RANBP2: variants seen among roughly 807,000 people sequenced by gnomAD.
RANBP2 encodes the protein RAN binding protein 2.
RANBP2 carries 57 observed loss-of-function variants against 303.6 expected under a neutral mutation model. That is an observed-to-expected ratio of 0.19 (90% confidence interval 0.15 to 0.23). The LOEUF is 0.23. Among genes scored for constraint, RANBP2 ranks in the 10% least tolerant of loss-of-function variants. RANBP2 has a pLI of 1.00. For missense variants in RANBP2, 3,138 were observed against 3,780.8 expected, an observed-to-expected ratio of 0.83 and a Z score of 4.46; for synonymous variants, 1,167 against 1,301.5, an observed-to-expected ratio of 0.90 and a Z score of 2.23.
chr2:109,247,965 C>T, the RANBP2 span, among the ~76,000 whole-genome samples: 1 of 152,144 alleles, frequency 6.6e-6, no homozygotes, highest in Admixed American at 6.5e-5. Flanking sequence ...TTTAAACCTC[C>T]ATCTGCATCA....
At chr2:108,880,246 C>T in the RANBP2 span, among the ~76,000 whole-genome samples, 2,714 of 149,060 alleles carry the variant, frequency 0.018, 72 homozygotes, top group African/African-American at 0.065. Flanking sequence ...CGAGAGAAGG[C>T]ACAGATTGCT....
intron 7 of RANBP2, among the ~76,000 whole-genome samples, chr2:108,745,709 G>A (rs1436518775): frequency 6.6e-6 from 1 of 151,100 alleles, no homozygotes; most frequent in Non-Finnish European, 1.5e-5. Flanking sequence ...TATCTACAAT[G>A]TGGCATTTCC....
At chr2:108,973,464 CTGCTTTCCAG>C in the RANBP2 span, among the ~76,000 whole-genome samples, 2 of 152,116 alleles carry the variant, frequency 1.3e-5, no homozygotes, top group African/African-American at 2.4e-5. Flanking sequence ...TTCATTTCTC[CTGCTTTCCAG>C]TGCTTTCCAG....
the RANBP2 span, among the ~76,000 whole-genome samples, chr2:108,793,869 TGG>T: frequency 6.6e-6 from 1 of 152,016 alleles, no homozygotes; most frequent in African/African-American, 2.4e-5. Flanking sequence ...CCCAAAGTGC[TGG>T]GATTATAGGC....
the RANBP2 span, among the ~76,000 whole-genome samples, chr2:109,223,401 C>G: frequency 9.2e-5 from 14 of 152,276 alleles, no homozygotes; most frequent in Admixed American, 7.8e-4. Context: ...GCCGTGTGCT[C>G]GCTGTGATGG....
the RANBP2 span, among the ~76,000 whole-genome samples, chr2:109,101,817 G>T: frequency 3.9e-5 from 6 of 152,174 alleles, no homozygotes; most frequent in East Asian, 3.9e-4. Flanking sequence ...CTCAAATTCA[G>T]GGAAACACTT....
the RANBP2 span, among the ~76,000 whole-genome samples, chr2:109,381,582 C>T: frequency 6.6e-6 from 1 of 152,024 alleles, no homozygotes; most frequent in Non-Finnish European, 1.5e-5. Context: ...TTCTTGTCTT[C>T]CCTTTCACTT....
chr2:109,465,742 A>G, the RANBP2 span, among the ~76,000 whole-genome samples: 2 of 152,182 alleles, frequency 1.3e-5, no homozygotes, highest in African/African-American at 4.8e-5. Flanking sequence ...GCGGAAGACA[A>G]AGAGGGAACA....
At chr2:109,122,304 G>A in the RANBP2 span, among the ~76,000 whole-genome samples, 1 of 152,212 alleles carries the variant, frequency 6.6e-6, no homozygotes, top group Non-Finnish European at 1.5e-5. Flanking sequence ...GGATTGGAAA[G>A]GGACTTAGAA....
the RANBP2 span, among the ~76,000 whole-genome samples, chr2:109,499,047 C>T: frequency 6.6e-6 from 1 of 152,140 alleles, no homozygotes; most frequent in Non-Finnish European, 1.5e-5. Context: ...ACTGCTGGAG[C>T]CCTCTGAGCC....
At chr2:108,966,831 C>T in the RANBP2 span, among the ~76,000 whole-genome samples, 1 of 152,218 alleles carries the variant, frequency 6.6e-6, no homozygotes, top group Admixed American at 6.5e-5. Flanking sequence ...CTTGGCTAAA[C>T]TGCTGAGTAG....
the RANBP2 span, among the ~76,000 whole-genome samples, chr2:109,101,225 T>C: frequency 1.3e-5 from 2 of 151,976 alleles, no homozygotes; most frequent in Non-Finnish European, 2.9e-5. Flanking sequence ...AAAATAAAAA[T>C]GTAGAAAAAC....
chr2:109,476,153 C>T, the RANBP2 span, among the ~76,000 whole-genome samples: 1 of 152,220 alleles, frequency 6.6e-6, no homozygotes, highest in South Asian at 2.1e-4. Flanking sequence ...CTTATTAGCA[C>T]AGCAAAGGCT....
the RANBP2 span, among the ~76,000 whole-genome samples, chr2:108,930,533 C>G: frequency 6.6e-6 from 1 of 152,188 alleles, no homozygotes; most frequent in African/African-American, 2.4e-5. Flanking sequence ...CATCAACGCA[C>G]TTGCCAAGGT....
At chr2:109,721,642 C>T in the RANBP2 span, among the ~76,000 whole-genome samples, 1 of 152,230 alleles carries the variant, frequency 6.6e-6, no homozygotes, top group African/African-American at 2.4e-5. Flanking sequence ...TCTTCCAATT[C>T]AGTGTTTTCC....
the RANBP2 span, among the ~76,000 whole-genome samples, chr2:108,952,193 C>A: frequency 8.3e-4 from 126 of 152,252 alleles, no homozygotes; most frequent in Middle Eastern, 3.4e-3. Context: ...CAGGTATGAG[C>A]ACCATGTGTG....
At chr2:109,625,938 A>C in the RANBP2 span, among the ~76,000 whole-genome samples, 17 of 152,332 alleles carry the variant, frequency 1.1e-4, no homozygotes, top group African/African-American at 3.6e-4. Context: ...AAACTGAACT[A>C]GATCTGTGGT....
chr2:109,320,121 C>G, the RANBP2 span, among the ~76,000 whole-genome samples: 2 of 152,178 alleles, frequency 1.3e-5, no homozygotes, highest in African/African-American at 4.8e-5. Context: ...TACTAGTGCT[C>G]CTGTAAAGCC....
chr2:108,906,383 C>A, the RANBP2 span: 1 of 1,614,052 alleles, frequency 6.2e-7, no homozygotes, highest in South Asian at 1.1e-5. Flanking sequence ...GAAAAAGAGT[C>A]GAGAATTTTC....
Sources: gnomAD v4.1 joint callset for allele counts (sites outside exome capture counted in the v4.1 genomes callset) on GRCh38, gnomAD v4.1.1 for gene constraint, MANE v1.5 for transcripts, NCBI Gene and HGNC (gene_info 2026-07-23, HGNC 2026-07-21) for gene names.